The following CCDC15 variants were observed in gnomAD, a reference collection of about 807,000 sequenced individuals.
The protein encoded by CCDC15 is coiled-coil domain containing 15.
In CCDC15, 105 loss-of-function variants were observed where a neutral mutation model predicts 114.5. The observed-to-expected ratio is 0.92, with a 90% CI of 0.78 to 1.08. The LOEUF (loss-of-function observed/expected upper bound fraction) is 1.08. CCDC15 is among the 50% of genes least tolerant of loss of function. CCDC15 has a pLI of 0.00. For synonymous variants in CCDC15, 334 were observed against 377.8 expected, an observed-to-expected ratio of 0.88 and a Z score of 1.34; for missense variants, 1,105 against 1,093.6, an observed-to-expected ratio of 1.01 and a Z score of -0.15.
intron 4 of CCDC15, among the ~76,000 whole-genome samples, chr11:124,971,234 C>T (rs1282127238): frequency 6.6e-6 from 1 of 152,068 alleles, no homozygotes; most frequent in East Asian, 1.9e-4. Context: ...GGAATAGCAT[C>T]GACATCAACA....
chr11:124,994,332 A>G (rs772026679), intron 11 of CCDC15, among the ~76,000 whole-genome samples: 17 of 152,164 alleles, frequency 1.1e-4, no homozygotes, highest in Non-Finnish European at 2.2e-4. Flanking sequence ...GGTACCTACT[A>G]AACTGGGAGT....
intron 13 of CCDC15, among the ~76,000 whole-genome samples, chr11:125,015,204 A>G (rs1433382171): frequency 6.6e-6 from 1 of 152,156 alleles, no homozygotes; most frequent in East Asian, 1.9e-4. Flanking sequence ...TAAGCTTGGG[A>G]AAAACTACAA....
At chr11:125,021,199 A>G (rs11219869) in intron 13 of CCDC15, among the ~76,000 whole-genome samples, 30,785 of 151,680 alleles carry the variant, frequency 0.2, 3,734 homozygotes, top group African/African-American at 0.34. Context: ...GATGGTCTAA[A>G]GAAGTATACG....
intron 13 of CCDC15, 37 bp from the exon 14 acceptor site, chr11:125,038,394 T>C: frequency 7.9e-7 from 1 of 1,271,122 alleles, no homozygotes; most frequent in Non-Finnish European, 1.0e-6. Flanking sequence ...ATAATAATTT[T>C]ATGAAATTCC....
chr11:124,959,596 A>G (rs1442015180), intron 3 of CCDC15, among the ~76,000 whole-genome samples: 1 of 152,196 alleles, frequency 6.6e-6, no homozygotes, highest in Non-Finnish European at 1.5e-5. Context: ...TAAAATAAGG[A>G]TATGATACTT....
chr11:125,039,180 G>T lies in CCDC15; in HGVS notation c.2734+111G>T, dbSNP rs973309787. ...GAGTGCTTACTATGTATCAGAGACT[G>T]TTATAAACCCTTTACAAAATAACTA... On this transcript the variant is annotated intron_variant, in intron 15 of 15. Transcript: ENST00000344762. 12 of 968,666 alleles carry T rather than the reference G, an allele frequency of 1.2e-5. No individual in the cohort carries two copies. In the African/African-American group the frequency reaches 1.5e-4, roughly 12 times the overall value. The allele number at this position is 968,666 out of a possible 1,614,324, so 60.0% of individuals were successfully genotyped here. A position where few individuals can be genotyped will look rare whatever the true frequency, so the allele number is the denominator to read the frequency against.
intron 13 of CCDC15, among the ~76,000 whole-genome samples, chr11:125,030,369 A>C (rs1948730038): frequency 6.6e-6 from 1 of 152,140 alleles, no homozygotes; most frequent in African/African-American, 2.4e-5. Flanking sequence ...TGATGGGGGA[A>C]CTGATAAAAC....
chr11:124,986,605 T>C, intron 6 of CCDC15, 137 bp from the exon 7 acceptor site: 1 of 918,414 alleles, frequency 1.1e-6, no homozygotes, highest in Non-Finnish European at 1.6e-6. Flanking sequence ...ATAATAGCAG[T>C]GACCTGAAGC....
At chr11:125,031,504 A>G (rs2135541557) in intron 13 of CCDC15, among the ~76,000 whole-genome samples, 1 of 152,336 alleles carries the variant, frequency 6.6e-6, no homozygotes, top group South Asian at 2.1e-4. Flanking sequence ...GATGGGTCAG[A>G]AAGCACCCAC....
At chr11:125,023,682 AT>A (rs1191224221) in intron 13 of CCDC15, among the ~76,000 whole-genome samples, 1 of 151,994 alleles carries the variant, frequency 6.6e-6, no homozygotes, top group Non-Finnish European at 1.5e-5. Flanking sequence ...GAATCCCCAA[AT>A]GTTCCTGGTG....
At chr11:124,992,361 T>C (rs988728717) in intron 9 of CCDC15, among the ~76,000 whole-genome samples, 16 of 152,206 alleles carry the variant, frequency 1.1e-4, no homozygotes, top group Middle Eastern at 3.2e-3. Context: ...TACTTAGGAT[T>C]TGATGAGTTT....
intron 13 of CCDC15, among the ~76,000 whole-genome samples, chr11:125,031,923 C>T (rs537486049): frequency 1.3e-5 from 2 of 152,308 alleles, no homozygotes; most frequent in East Asian, 3.9e-4. Context: ...CAAATAGGCC[C>T]ACTAGGCATT....
At chr11:124,983,335 C>T (rs981719416) in intron 6 of CCDC15, among the ~76,000 whole-genome samples, 1 of 152,156 alleles carries the variant, frequency 6.6e-6, no homozygotes, top group Admixed American at 6.5e-5. Context: ...GGAACTAGTG[C>T]AGTCATTTGA....
At chr11:125,014,047 A>T (rs1948613486) in intron 13 of CCDC15, among the ~76,000 whole-genome samples, 1 of 152,202 alleles carries the variant, frequency 6.6e-6, no homozygotes, top group African/African-American at 2.4e-5. Context: ...AAAAGAGACT[A>T]AGAATCTATT....
intron 13 of CCDC15, among the ~76,000 whole-genome samples, chr11:125,025,841 T>A (rs1393127534): frequency 1.3e-5 from 2 of 152,196 alleles, no homozygotes; most frequent in Non-Finnish European, 2.9e-5. Flanking sequence ...ATTTATATCC[T>A]TTATTCATTA....
At chr11:124,964,223 T>G (rs151236242) in intron 4 of CCDC15, among the ~76,000 whole-genome samples, 2,175 of 152,288 alleles carry the variant, frequency 0.014, 22 homozygotes, top group Middle Eastern at 0.031. Flanking sequence ...ATCTATAAAT[T>G]ACCTTGGGCA....
rs1014572000 is a variant in CCDC15 at position 124,986,594 on chromosome 11, T to C, written c.754-148T>C. Reference sequence around the variant, plus strand: ...TTTGACTATGCTGACCTACTAAAATTATAATAGCAGTGACCTGAAGCCTAG... The same window carrying C: ...TTTGACTATGCTGACCTACTAAAATCATAATAGCAGTGACCTGAAGCCTAG... On this transcript the variant is annotated intron_variant, in intron 6 of 15. Transcript: ENST00000344762. 16 of 823,918 alleles carry C rather than the reference T, an allele frequency of 1.9e-5. No homozygotes were observed. In the Admixed American group the frequency reaches 2.0e-4, roughly 10 times the overall value. 51.0% of individuals were successfully genotyped at this position (823,918 alleles called of 1,614,324 possible).
intron 13 of CCDC15, among the ~76,000 whole-genome samples, chr11:125,024,078 A>G (rs535601148): frequency 6.6e-6 from 1 of 152,126 alleles, no homozygotes; most frequent in South Asian, 2.1e-4. Context: ...TTGTATCTCA[A>G]CATTAAAAAT....
chr11:125,001,900 C>T (rs1948487144), intron 11 of CCDC15, among the ~76,000 whole-genome samples: 1 of 151,692 alleles, frequency 6.6e-6, no homozygotes, highest in Admixed American at 6.6e-5. Flanking sequence ...TTTTTCACTT[C>T]TCTTGGTCAT....
Sources: gnomAD v4.1 joint callset for allele counts (sites outside exome capture counted in the v4.1 genomes callset) on GRCh38, gnomAD v4.1.1 for gene constraint, MANE v1.5 for transcripts, NCBI Gene and HGNC (gene_info 2026-07-23, HGNC 2026-07-21) for gene names.